Variants in CHEK2 observed in about 807,000 individuals in gnomAD.
CHEK2 encodes the protein checkpoint kinase 2, also known as serine/threonine-protein kinase Chk2.
Under a neutral mutation model 69.1 loss-of-function variants are expected in CHEK2, and 71 were observed. The ratio of observed to expected loss-of-function variants is 1.03; its 90% CI spans 0.85 to 1.25. The LOEUF is 1.25. Among genes scored for constraint, CHEK2 ranks in the 50% most tolerant of loss-of-function variants. CHEK2 has a pLI of 0.00. For missense variants in CHEK2, 664 were observed against 649.6 expected (o/e 1.02, Z -0.24); for synonymous variants, 189 against 226.9 (o/e 0.83, Z 1.50).
intron 13 of CHEK2, among the ~76,000 whole-genome samples, chr22:28,691,676 A>G (rs1298132310): frequency 1.3e-5 from 2 of 152,368 alleles, no homozygotes; most frequent in Non-Finnish European, 2.9e-5. Flanking sequence ...AGTTTAGGCA[A>G]CAGAAGAAGA....
chr22:28,700,264 T>G (rs1337993288), intron 8 of CHEK2, among the ~76,000 whole-genome samples: 1 of 147,044 alleles, frequency 6.8e-6, no homozygotes, highest in Non-Finnish European at 1.5e-5. Flanking sequence ...CAGGTTGGAG[T>G]GCAGTGGTGC....
At chr22:28,698,940 T>G (rs978603613) in intron 9 of CHEK2, among the ~76,000 whole-genome samples, 5 of 152,062 alleles carry the variant, frequency 3.3e-5, no homozygotes, top group Non-Finnish European at 7.4e-5. Context: ...CAAGCAGAAC[T>G]AAAGAACTAA....
In CHEK2 at chr22:28,710,044, C is replaced by T. The variant is rs2053335680; in HGVS notation, c.808G>A (p.Val270Ile). The change falls in exon 7 of 15, where the codon GTT (valine) becomes ATT (isoleucine). Residue 270 changes from valine to isoleucine, a missense_variant. Transcript: ENST00000404276. Reference protein sequence around the residue: ...SAREADPALNVETEIEILKKL... With the variant: ...SAREADPALNIETEIEILKKL... ...TTCAAAATTTCTATTTCTGTTTCAA[C>T]ATTGAGAGCTGGGTCCTTTGATAAA... 1 of 1,558,194 alleles carries T rather than the reference C, an allele frequency of 6.4e-7. No homozygotes were observed. The highest frequency in any genetic ancestry group is 8.8e-7 in the Non-Finnish European group (1 of 1,131,374).
intron 7 of CHEK2, among the ~76,000 whole-genome samples, chr22:28,705,092 T>C (rs548860953): frequency 2.6e-5 from 4 of 151,816 alleles, no homozygotes; most frequent in South Asian, 2.1e-4. Context: ...TTTTTTTTTT[T>C]TTTTGAGACG....
chr22:28,711,787 C>G, intron 6 of CHEK2, 122 bp downstream of exon 6: 1 of 733,860 alleles, frequency 1.4e-6, no homozygotes, highest in East Asian at 2.6e-5. Context: ...CTTTGATACT[C>G]ACAAATTCAT....
Position 28,741,783 on chromosome 22 carries a change from T to A in CHEK2, c.-21A>T. ...ATATGACTCACCGCGTGAGCCCACCTGGAGCCGCACACTCTCCGCAGCCTC... is the reference window on the plus strand; with the variant it reads ...ATATGACTCACCGCGTGAGCCCACCAGGAGCCGCACACTCTCCGCAGCCTC... On this transcript the variant is annotated 5_prime_UTR_variant, in exon 1 of 15. Coordinates refer to ENST00000404276, the MANE Select transcript of CHEK2 (RefSeq NM_007194.4). The A allele has an allele frequency of 4.2e-6, 2 of 471,760 alleles. No homozygotes were observed. Among genetic ancestry groups the A allele is most frequent in the Admixed American group, 3.6e-5 (1 of 27,572 alleles). The allele number at this position is 471,760 out of a possible 1,614,324, so 29.2% of individuals were successfully genotyped here.
At chr22:28,723,274 A>C (rs936974973) in intron 4 of CHEK2, among the ~76,000 whole-genome samples, 7 of 152,210 alleles carry the variant, frequency 4.6e-5, no homozygotes, top group African/African-American at 1.7e-4. Context: ...CTCTTACAGA[A>C]GCACTCACAG....
intron 5 of CHEK2, among the ~76,000 whole-genome samples, chr22:28,716,768 A>G (rs1410593900): frequency 1.3e-5 from 2 of 152,236 alleles, no homozygotes; most frequent in Admixed American, 6.5e-5. Flanking sequence ...GTATCCTGAT[A>G]CTTTCCTAAA....
At position 28,703,002 on chromosome 22, in the gene CHEK2, AGTATTTTC is replaced by A. The variant is rs1251021170; in HGVS notation, c.908+495_908+502del. Reference sequence around the variant, plus strand: ...TACAACCATCCATTTTATTTTTCTAAGTATTTTCGATCTGAGGTTGGTTGAATACACGG... The same window carrying A: ...TACAACCATCCATTTTATTTTTCTAAGATCTGAGGTTGGTTGAATACACGG... On this transcript the variant is annotated intron_variant, in intron 8 of 14. Transcript: ENST00000404276. Among the ~76,000 whole-genome samples, 6 of 152,204 alleles carry A rather than the reference AGTATTTTC, an allele frequency of 3.9e-5. No individual in the cohort carries two copies. The East Asian group carries it at 1.2e-3, about 29-fold the overall frequency.
At position 28,691,920 on chromosome 22, in the gene CHEK2, T is replaced by C. The variant is rs556633169; in HGVS notation, c.1461+2112A>G. ...TGGTTTTTTCAAAAACACTGAATTT[T>C]CCCAAAATAAAACCCAAACTATCAC... On this transcript the variant is annotated intron_variant, in intron 13 of 14. Transcript: ENST00000404276. 7.9e-5 allele frequency among the ~76,000 whole-genome samples: 12 copies of C among 152,334 alleles called. No individual in the cohort carries two copies. The East Asian group carries it at 2.1e-3, about 27-fold the overall frequency.
At chr22:28,688,555 G>C (rs1940818002) in intron 14 of CHEK2, among the ~76,000 whole-genome samples, 2 of 152,134 alleles carry the variant, frequency 1.3e-5, no homozygotes, top group Non-Finnish European at 2.9e-5. Flanking sequence ...TGTAATCCCA[G>C]ATACTCGGGA....
Position 28,711,780 on chromosome 22 carries a change from T to C in CHEK2, c.792+129A>G, listed in dbSNP as rs1362228199. 2.1e-5 allele frequency: 15 copies of C among 707,690 alleles called. 1 individual carries two copies. In the South Asian group the frequency reaches 2.2e-4, roughly 10 times the overall value. The allele number at this position is 707,690 out of a possible 1,614,324, so 43.8% of individuals were successfully genotyped here. Reference sequence around the variant, plus strand: ...ATGCCCCAAAATTTTCCATGTTCTTTGATACTCACAAATTCATCCATCTAA... The same window carrying C: ...ATGCCCCAAAATTTTCCATGTTCTTCGATACTCACAAATTCATCCATCTAA... On this transcript the variant is annotated intron_variant, in intron 6 of 14. Transcript: ENST00000404276.
At chr22:28,727,875 T>C (rs1244937257) in intron 2 of CHEK2, 1 of 152,208 alleles carries the variant, frequency 6.6e-6, no homozygotes, top group African/African-American at 2.4e-5. Context: ...GCAAGAGGTA[T>C]GAAAAAGCGG....
rs730881690 is a variant in CHEK2, at chr22:28,695,791, G to C, written c.1178C>G (p.Pro393Arg). Residue 393 changes from proline (P) to arginine (R), a missense_variant, in exon 11 of 15, where the codon CCT becomes CGT. Coordinates refer to ENST00000404276, the MANE Select transcript of CHEK2 (RefSeq NM_007194.4). ...TLCGTPTYLAPEVLVSVGTAG... is the reference protein window; with the variant it reads ...TLCGTPTYLAREVLVSVGTAG... ...AGTCCCAACAGAAACAAGAACTTCA[G>C]GCGCCAAGTAGGTGGGGGTTCCACA... 4.3e-6 allele frequency: 7 copies of C among 1,613,914 alleles called. No homozygotes were observed. The highest frequency in any genetic ancestry group is 5.1e-6 in the Non-Finnish European group (6 of 1,179,806).
rs2054311767 is a variant in CHEK2, at chr22:28,734,424, G to C, written c.298C>G (p.Gln100Glu). 6.2e-7 allele frequency: 1 copy of C among 1,613,954 alleles called. No individual in the cohort carries two copies. ...PAPWARLWAL[Q>E]DGFANLECVN... The stretch of plus-strand genomic sequence containing the variant: ...TTACCAAGATTGGCAAATCCATCCT[G>C]AAGGGCCCATAATCGAGCCCAGGGG... Residue 100 changes from glutamine to glutamate, a missense_variant, in exon 2 of 15, where the codon CAG (glutamine) becomes GAG (glutamate). Transcript: ENST00000404276.
At position 28,725,385 on chromosome 22, in the gene CHEK2, G is replaced by T. The variant is rs2053968934; in HGVS notation, c.320-18C>A. 6.2e-7 allele frequency: 1 copy of T among 1,613,972 alleles called. No individual in the cohort carries two copies. The highest frequency in any genetic ancestry group is 8.5e-7 in the Non-Finnish European group (1 of 1,179,972). ...CACACATTCTGTAATATAAAAGCAT[G>T]CATCAGAGGGCTGTTGAATTTCATG... On this transcript the variant is annotated intron_variant, in intron 2 of 14. Transcript: ENST00000404276.
At chr22:28,689,822 A>G (rs8136905) in intron 13 of CHEK2, among the ~76,000 whole-genome samples, 20,658 of 152,186 alleles carry the variant, frequency 0.14, 1,624 homozygotes, top group African/African-American at 0.2. Flanking sequence ...CTGCAGGAGC[A>G]GGAGATGAGG....
intron 4 of CHEK2, chr22:28,724,451 C>T: frequency 5.0e-6 from 1 of 201,974 alleles, no homozygotes; most frequent in Non-Finnish European, 1.0e-5. Context: ...CAGTATATGG[C>T]ATTACATAAA....
intron 13 of CHEK2, among the ~76,000 whole-genome samples, chr22:28,692,350 C>T (rs561775199): frequency 6.6e-6 from 1 of 152,316 alleles, no homozygotes; most frequent in East Asian, 1.9e-4. Context: ...TTCCAAACCC[C>T]TTTCCTCCAG....
Sources: allele counts gnomAD v4.1 joint callset (sites outside exome capture counted in the v4.1 genomes callset), GRCh38; gene constraint gnomAD v4.1.1; transcripts MANE v1.5; gene names NCBI Gene and HGNC (gene_info 2026-07-23, HGNC 2026-07-21).